ANK2: variants seen among roughly 807,000 people sequenced by gnomAD.
ANK2 encodes ankyrin 2.
A neutral mutation model predicts 360.5 loss-of-function variants in ANK2; 83 were observed. The ratio of observed to expected loss-of-function variants is 0.23; its 90% CI spans 0.19 to 0.28. The LOEUF is 0.28. Among genes scored for constraint, ANK2 ranks in the 10% least tolerant of loss-of-function variants. ANK2 has a pLI of 1.00. For synonymous variants in ANK2, 1,740 were observed against 1,759.5 expected (o/e 0.99, Z 0.28); for missense variants, 4,201 against 4,795.7 (o/e 0.88, Z 3.66).
the ANK2 span, chr4:112,788,610 T>C: frequency 6.3e-7 from 1 of 1,597,480 alleles, no homozygotes; most frequent in Non-Finnish European, 8.5e-7. Flanking sequence ...AGTAGCTGTT[T>C]GGCGGTCCAG....
intron 2 of ANK2, among the ~76,000 whole-genome samples, chr4:113,003,409 GA>G (rs1268422464): frequency 6.6e-6 from 1 of 150,982 alleles, no homozygotes; most frequent in East Asian, 1.9e-4. Flanking sequence ...ACACTCAAAT[GA>G]AAAAAAATAA....
intron 1 of ANK2, among the ~76,000 whole-genome samples, chr4:112,822,619 G>A (rs900467226): frequency 9.2e-5 from 14 of 151,436 alleles, no homozygotes; most frequent in Non-Finnish European, 1.8e-4. Context: ...GGTGGCATGC[G>A]CCTGTGGCCC....
At chr4:113,281,769 T>C (rs1205229363) in intron 17 of ANK2, among the ~76,000 whole-genome samples, 1 of 152,170 alleles carries the variant, frequency 6.6e-6, no homozygotes, top group South Asian at 2.1e-4. Context: ...ACATGGGGTA[T>C]AGAGTTTTGT....
chr4:112,909,255 C>T (rs2086275566), intron 2 of ANK2, among the ~76,000 whole-genome samples: 1 of 152,160 alleles, frequency 6.6e-6, no homozygotes, highest in Admixed American at 6.5e-5. Flanking sequence ...GGAATATTCA[C>T]CCTTTGTTCT....
At chr4:113,333,915 C>T (rs183153671) in intron 29 of ANK2, among the ~76,000 whole-genome samples, 4 of 152,230 alleles carry the variant, frequency 2.6e-5, no homozygotes, top group Admixed American at 1.3e-4. Context: ...AAGAGGAAAG[C>T]GGCTCTTCCT....
At chr4:113,078,466 GT>G (rs1467299718) in intron 1 of ANK2, among the ~76,000 whole-genome samples, 1 of 152,196 alleles carries the variant, frequency 6.6e-6, no homozygotes, top group Non-Finnish European at 1.5e-5. Flanking sequence ...AAGTGAAGCA[GT>G]GAGTTACTGG....
chr4:113,355,160 A>G lies in ANK2; in HGVS notation c.6542A>G (p.Asp2181Gly), dbSNP rs770347161. 6 of 1,614,134 alleles carry G rather than the reference A, an allele frequency of 3.7e-6. No individual in the cohort carries two copies. In the South Asian group the frequency reaches 6.6e-5, roughly 18 times the overall value. Reference sequence around the variant, plus strand: ...CCTTTCAACACAACATTTCCACTCGACTACATGAAAGATGAGTTCCTTCCA... The same window carrying G: ...CCTTTCAACACAACATTTCCACTCGGCTACATGAAAGATGAGTTCCTTCCA... ...TSPFNTTFPL[D>G]YMKDEFLPAL... Residue 2181 changes from aspartate to glycine, a missense_variant, in exon 38 of 46, where the codon GAC (aspartate) becomes GGC (glycine). Asp to Gly is a moderately conservative substitution (Grantham distance 94). Around this residue, in one of 4 missense-constraint regions of ANK2, gnomAD observed 2,642 missense variants for 2,714.5 expected, o/e 0.97. Coordinates refer to ENST00000357077, the MANE Select transcript of ANK2 (RefSeq NM_001148.6).
chr4:113,187,468 G>T (rs1284945284), intron 2 of ANK2, among the ~76,000 whole-genome samples: 1 of 152,174 alleles, frequency 6.6e-6, no homozygotes, highest in Non-Finnish European at 1.5e-5. Flanking sequence ...TGAAATTTTT[G>T]CATCTTAAAA....
chr4:113,050,993 ATGATT>A lies in ANK2; in HGVS notation c.84+1183_84+1187del, dbSNP rs1561712781. 1.0e-3 allele frequency among the ~76,000 whole-genome samples: 159 copies of A among 152,294 alleles called. 1 individual carries two copies. The East Asian group carries it at 0.026, about 25-fold the overall frequency. ...GCAATTTGATAGAAATAAGCATGTG[ATGATT>A]TTTAATCATAGCGTAGAGATAGTGA... On this transcript the variant is annotated intron_variant, in intron 1 of 45. Transcript: ENST00000357077.
At chr4:112,788,318 C>CT in the ANK2 span, 1 of 1,563,856 alleles carries the variant, frequency 6.4e-7, no homozygotes. Flanking sequence ...ACGTCCCAGT[C>CT]TTGCCTTCCT....
intron 2 of ANK2, among the ~76,000 whole-genome samples, chr4:112,986,166 G>A (rs1202485266): frequency 6.7e-6 from 1 of 150,348 alleles, no homozygotes; most frequent in African/African-American, 2.5e-5. Context: ...GGTAAGTTCA[G>A]TTTAACTCTC....
intron 4 of ANK2, among the ~76,000 whole-genome samples, chr4:113,229,506 A>C (rs1038548948): frequency 7.2e-5 from 11 of 152,196 alleles, no homozygotes; most frequent in African/African-American, 2.7e-4. Context: ...CAAATTAGGT[A>C]GCATTTACAG....
chr4:113,024,869 C>T (rs1044174980), intron 2 of ANK2, among the ~76,000 whole-genome samples: 1 of 152,048 alleles, frequency 6.6e-6, no homozygotes, highest in African/African-American at 2.4e-5. Context: ...ATTTATCTTT[C>T]CCATAAAAAA....
At chr4:113,320,655 CA>C (rs142477788) in intron 26 of ANK2, among the ~76,000 whole-genome samples, 13 of 150,784 alleles carry the variant, frequency 8.6e-5, no homozygotes, top group East Asian at 3.9e-4. Flanking sequence ...ACTCCATCTC[CA>C]AAAAAAACAA....
At chr4:113,023,806 TGA>T (rs1647129501) in intron 2 of ANK2, among the ~76,000 whole-genome samples, 1 of 152,210 alleles carries the variant, frequency 6.6e-6, no homozygotes, top group African/African-American at 2.4e-5. Context: ...CATAAATAAT[TGA>T]GAGATAATCA....
chr4:113,315,314 G>A (rs1442691598), intron 24 of ANK2, among the ~76,000 whole-genome samples: 1 of 152,166 alleles, frequency 6.6e-6, no homozygotes, highest in Non-Finnish European at 1.5e-5. Context: ...CTTAGCCATA[G>A]TCACTCCTTG....
chr4:113,369,416 A>T (rs957232049), intron 42 of ANK2, 98 bp from the exon 43 acceptor site: 78 of 1,287,364 alleles, frequency 6.1e-5, no homozygotes, highest in South Asian at 4.9e-4. Flanking sequence ...GTCATAGACT[A>T]TGGAAAAACC....
intron 1 of ANK2, among the ~76,000 whole-genome samples, chr4:113,153,371 C>T (rs2097163765): frequency 6.6e-6 from 1 of 152,022 alleles, no homozygotes; most frequent in African/African-American, 2.4e-5. Context: ...TCTAAGATAC[C>T]TAGTAAAACA....
chr4:113,291,694 T>C (rs957842261), intron 20 of ANK2, among the ~76,000 whole-genome samples: 1 of 152,054 alleles, frequency 6.6e-6, no homozygotes, highest in Non-Finnish European at 1.5e-5. Flanking sequence ...GTCTGAAACA[T>C]ATAGATAAAA....
Sources: allele counts gnomAD v4.1 joint callset (sites outside exome capture counted in the v4.1 genomes callset), GRCh38; gene constraint gnomAD v4.1.1; regional missense constraint gnomAD v4.1.1; transcripts MANE v1.5; gene names NCBI Gene and HGNC (gene_info 2026-07-23, HGNC 2026-07-21).